Variants in SLC25A13 observed in about 807,000 individuals in gnomAD.
The protein encoded by SLC25A13 is solute carrier family 25 member 13, also known as electrogenic aspartate/glutamate antiporter SLC25A13, mitochondrial.
Under a neutral mutation model 85.5 loss-of-function variants are expected in SLC25A13, and 70 were observed. The ratio of observed to expected loss-of-function variants is 0.82; its 90% CI spans 0.68 to 1.00. The LOEUF (loss-of-function observed/expected upper bound fraction) is 1.00, where lower values mean the gene tolerates loss of function less well. SLC25A13 is among the 50% of genes least tolerant of loss of function. The pLI, the probability that SLC25A13 is intolerant of heterozygous loss-of-function variation, is 0.00. For synonymous variants in SLC25A13, 259 were observed against 288.7 expected, an observed-to-expected ratio of 0.90 and a Z score of 1.04; for missense variants, 765 against 819.8, an observed-to-expected ratio of 0.93 and a Z score of 0.82.
At chr7:96,209,032 TA>T (rs1795581455) in intron 4 of SLC25A13, 55 bp from the exon 5 acceptor site, 3 of 1,564,974 alleles carry the variant, frequency 1.9e-6, no homozygotes, top group Non-Finnish European at 2.6e-6. Context: ...TTCTTTCTGA[TA>T]AAATCTGTTA....
intron 3 of SLC25A13, among the ~76,000 whole-genome samples, chr7:96,241,175 A>G (rs150138942): frequency 0.011 from 1,708 of 152,228 alleles, 28 homozygotes; most frequent in African/African-American, 0.038. Flanking sequence ...CAAGAGTCTC[A>G]AAGATGTCTT....
At chr7:96,204,190 T>A (rs1795372270) in intron 5 of SLC25A13, among the ~76,000 whole-genome samples, 1 of 152,220 alleles carries the variant, frequency 6.6e-6, no homozygotes, top group African/African-American at 2.4e-5. Context: ...CCTTTTAGGT[T>A]ATTGGGAGGA....
intron 2 of SLC25A13, 125 bp from the exon 3 acceptor site, chr7:96,277,463 C>CTTCA: frequency 1.1e-6 from 1 of 876,380 alleles, no homozygotes; most frequent in Non-Finnish European, 1.7e-6. Flanking sequence ...ATCATGTACG[C>CTTCA]TTCATAATGA....
intron 13 of SLC25A13, among the ~76,000 whole-genome samples, chr7:96,166,729 C>T (rs1360228216): frequency 6.6e-6 from 1 of 151,942 alleles, no homozygotes; most frequent in Non-Finnish European, 1.5e-5. Flanking sequence ...ACAATATATT[C>T]AGAGGTAATA....
At chr7:96,251,482 A>G (rs996787668) in intron 3 of SLC25A13, among the ~76,000 whole-genome samples, 3 of 152,178 alleles carry the variant, frequency 2.0e-5, no homozygotes, top group Non-Finnish European at 4.4e-5. Flanking sequence ...TCCAGGTGAG[A>G]GATGGTCATG....
intron 5 of SLC25A13, among the ~76,000 whole-genome samples, chr7:96,196,760 C>T (rs1472465189): frequency 3.9e-5 from 6 of 152,158 alleles, no homozygotes; most frequent in Admixed American, 1.3e-4. Flanking sequence ...AGTGAAAACA[C>T]GCAGTTAGGT....
intron 1 of SLC25A13, among the ~76,000 whole-genome samples, chr7:96,311,279 T>C (rs939414097): frequency 1.3e-5 from 2 of 152,106 alleles, no homozygotes; most frequent in African/African-American, 4.8e-5. Context: ...AACCAAGAAT[T>C]AGGTGCTTCC....
intron 14 of SLC25A13, among the ~76,000 whole-genome samples, 164 bp downstream of exon 14, chr7:96,146,392 G>C (rs1316858841): frequency 6.6e-6 from 1 of 152,004 alleles, no homozygotes; most frequent in African/African-American, 2.4e-5. Context: ...GGCAGGAAGG[G>C]GCACCTCCTT....
chr7:96,263,936 A>G (rs1005076481), intron 3 of SLC25A13, among the ~76,000 whole-genome samples: 2 of 152,066 alleles, frequency 1.3e-5, no homozygotes, highest in African/African-American at 2.4e-5. Flanking sequence ...ACACATCCCA[A>G]TTGATCAACA....
chr7:96,218,809 G>C (rs1294143444), intron 4 of SLC25A13, among the ~76,000 whole-genome samples: 4 of 152,024 alleles, frequency 2.6e-5, no homozygotes, highest in Non-Finnish European at 4.4e-5. Flanking sequence ...ACTGCTGAAG[G>C]CCCAGCATTT....
intron 2 of SLC25A13, among the ~76,000 whole-genome samples, chr7:96,289,551 G>C (rs1018092041): frequency 6.6e-6 from 1 of 152,170 alleles, no homozygotes; most frequent in African/African-American, 2.4e-5. Context: ...AACCAGCGTA[G>C]AGAAGTCCTT....
At chr7:96,189,710 G>C in intron 7 of SLC25A13, 36 bp from the exon 8 acceptor site, 1 of 1,556,378 alleles carries the variant, frequency 6.4e-7, no homozygotes, top group Middle Eastern at 1.7e-4. Flanking sequence ...AAAGATTCAA[G>C]AAGAAATAGC....
chr7:96,243,715 G>C (rs982839531), intron 3 of SLC25A13, among the ~76,000 whole-genome samples: 1 of 152,138 alleles, frequency 6.6e-6, no homozygotes, highest in Non-Finnish European at 1.5e-5. Context: ...GCCAGGAAAA[G>C]AGTTGGAGGA....
chr7:96,210,022 G>A (rs2116721983), intron 4 of SLC25A13, among the ~76,000 whole-genome samples: 1 of 152,138 alleles, frequency 6.6e-6, no homozygotes, highest in Middle Eastern at 3.4e-3. Context: ...CAAAACCTTT[G>A]GCATAATGTG....
At chr7:96,191,721 G>A (rs1025903476) in intron 6 of SLC25A13, among the ~76,000 whole-genome samples, 2 of 152,134 alleles carry the variant, frequency 1.3e-5, no homozygotes, top group African/African-American at 2.4e-5. Flanking sequence ...GACTTGTCAA[G>A]TTACTTATAA....
intron 3 of SLC25A13, among the ~76,000 whole-genome samples, chr7:96,247,338 G>C (rs753705395): frequency 7.9e-5 from 12 of 151,846 alleles, no homozygotes; most frequent in African/African-American, 1.2e-4. Flanking sequence ...ATGATTTTCT[G>C]TATTTAAGAC....
At chr7:96,141,246 T>G (rs1792549881) in intron 14 of SLC25A13, among the ~76,000 whole-genome samples, 1 of 152,170 alleles carries the variant, frequency 6.6e-6, no homozygotes, top group African/African-American at 2.4e-5. Context: ...TAGGCTAGTC[T>G]TGAATTCCTG....
chr7:96,216,370 C>G (rs1377743403), intron 4 of SLC25A13, among the ~76,000 whole-genome samples: 1 of 151,942 alleles, frequency 6.6e-6, no homozygotes, highest in Non-Finnish European at 1.5e-5. Flanking sequence ...AACAGAAATA[C>G]CATTCAACCC....
chr7:96,238,515 A>T (rs1218879083), intron 3 of SLC25A13, among the ~76,000 whole-genome samples: 2 of 152,214 alleles, frequency 1.3e-5, no homozygotes, highest in African/African-American at 4.8e-5. Flanking sequence ...AAGGTTACTT[A>T]AAGCTGTGAA....
Sources: allele counts gnomAD v4.1 joint callset (sites outside exome capture counted in the v4.1 genomes callset), GRCh38; gene constraint gnomAD v4.1.1; transcripts MANE v1.5; gene names NCBI Gene and HGNC (gene_info 2026-07-23, HGNC 2026-07-21).